The following PTPN4 variants were observed in gnomAD, a reference collection of about 807,000 sequenced individuals.
PTPN4 encodes the protein tyrosine-protein phosphatase non-receptor type 4.
In PTPN4, 49 loss-of-function variants were observed where a neutral mutation model predicts 135.5. The ratio of observed to expected loss-of-function variants is 0.36; its 90% CI spans 0.29 to 0.46. PTPN4 has a LOEUF of 0.46. Among genes scored for constraint, PTPN4 ranks in the 20% least tolerant of loss-of-function variants. PTPN4 has a pLI of 1.00. For synonymous variants in PTPN4, 333 were observed against 369.9 expected (o/e 0.90, Z 1.14); for missense variants, 860 against 1,101.0 (o/e 0.78, Z 3.10).
intron 14 of PTPN4, among the ~76,000 whole-genome samples, chr2:119,933,542 T>C (rs571779584): frequency 6.6e-6 from 1 of 151,426 alleles, no homozygotes; most frequent in South Asian, 2.1e-4. Context: ...TAGCTGAGCA[T>C]GGTGGCGTGC....
chr2:119,966,003 G>A (rs1416380453), intron 25 of PTPN4, among the ~76,000 whole-genome samples: 1 of 152,154 alleles, frequency 6.6e-6, no homozygotes, highest in African/African-American at 2.4e-5. Context: ...AATTTAAAAG[G>A]AACAGAAATG....
rs1376505614 is a variant in PTPN4, at chr2:119,843,746, G to A, written c.139-18790G>A. ...CGGACGGGGTGGCTGGCCGGGCGGG[G>A]GGGCTGACTCCCCCCACCTCCTTCC... On this transcript the variant is annotated intron_variant, in intron 2 of 26. Transcript: ENST00000263708. Among the ~76,000 whole-genome samples the A allele has an allele frequency of 1.5e-3, 78 of 52,548 alleles. 1 individual carries two copies. The highest frequency in any genetic ancestry group is 2.2e-3 in the Non-Finnish European group (58 of 26,274). 34.5% of individuals were successfully genotyped at this position (52,548 alleles called of 152,430 possible).
chr2:119,911,326 G>A (rs1678568115), intron 10 of PTPN4, among the ~76,000 whole-genome samples: 1 of 152,004 alleles, frequency 6.6e-6, no homozygotes, highest in African/African-American at 2.4e-5. Context: ...GTTATTTTAA[G>A]AATATAAGGT....
chr2:119,881,678 A>T (rs1380135168), intron 5 of PTPN4, 108 bp from the exon 6 acceptor site: 6 of 732,088 alleles, frequency 8.2e-6, no homozygotes, highest in Non-Finnish European at 1.3e-5. Flanking sequence ...AAATTATAAA[A>T]GCAAATATTT....
chr2:119,875,060 C>G (rs1677965469), intron 3 of PTPN4, among the ~76,000 whole-genome samples: 1 of 152,064 alleles, frequency 6.6e-6, no homozygotes, highest in Non-Finnish European at 1.5e-5. Flanking sequence ...TTTGTAGTTC[C>G]TTGATTGTGA....
At chr2:119,801,284 C>T (rs1001213822) in intron 1 of PTPN4, among the ~76,000 whole-genome samples, 6 of 152,198 alleles carry the variant, frequency 3.9e-5, no homozygotes, top group Middle Eastern at 6.8e-3. Context: ...GATGGGGTTT[C>T]GCCAAGTTGG....
intron 9 of PTPN4, among the ~76,000 whole-genome samples, chr2:119,897,823 G>T (rs1678346561): frequency 6.6e-6 from 1 of 152,040 alleles, no homozygotes; most frequent in African/African-American, 2.4e-5. Context: ...AATATGACTG[G>T]CTAAGTGTAA....
chr2:119,807,078 G>T (rs1040789417), intron 1 of PTPN4, among the ~76,000 whole-genome samples: 16 of 152,172 alleles, frequency 1.1e-4, no homozygotes, highest in African/African-American at 3.6e-4. Flanking sequence ...ACTTAAAGCA[G>T]TGCGTAGAGG....
chr2:119,835,914 A>G (rs377665833), intron 2 of PTPN4, among the ~76,000 whole-genome samples: 1 of 151,868 alleles, frequency 6.6e-6, no homozygotes, highest in South Asian at 2.1e-4. Context: ...CTAAAAATAC[A>G]AAAAATTAGC....
At chr2:119,873,179 T>TTTG (rs995910447) in intron 3 of PTPN4, among the ~76,000 whole-genome samples, 11 of 151,396 alleles carry the variant, frequency 7.3e-5, no homozygotes, top group East Asian at 1.9e-4. Flanking sequence ...GTTTTTTTTT[T>TTTG]TTGTTGTTGT....
intron 23 of PTPN4, 33 bp downstream of exon 23, chr2:119,960,986 G>A (rs748160536): frequency 2.0e-5 from 32 of 1,595,324 alleles, no homozygotes; most frequent in Middle Eastern, 1.7e-4. Context: ...ACATTGCTTG[G>A]ACTTTTTTCA....
intron 1 of PTPN4, among the ~76,000 whole-genome samples, chr2:119,778,899 A>G (rs1441257126): frequency 6.9e-6 from 1 of 145,602 alleles, no homozygotes. Context: ...TTGATTTTGC[A>G]CATGATTACC....
chr2:119,842,122 A>C (rs1193146789), intron 2 of PTPN4, among the ~76,000 whole-genome samples: 3 of 152,214 alleles, frequency 2.0e-5, no homozygotes, highest in African/African-American at 7.2e-5. Context: ...AGTAGAGTGA[A>C]ACTCAGAAAG....
At chr2:119,906,537 T>C (rs1439788949) in intron 10 of PTPN4, among the ~76,000 whole-genome samples, 1 of 152,220 alleles carries the variant, frequency 6.6e-6, no homozygotes, top group East Asian at 1.9e-4. Context: ...AAATACTTTA[T>C]TACATCAACA....
chr2:119,844,454 G>A (rs1677450986), intron 2 of PTPN4, among the ~76,000 whole-genome samples: 1 of 148,186 alleles, frequency 6.7e-6, no homozygotes, highest in African/African-American at 2.5e-5. Flanking sequence ...TCACTTCTCA[G>A]ACGGGGCAGC....
chr2:119,920,157 C>T lies in PTPN4; in HGVS notation c.917C>T (p.Thr306Ile), dbSNP rs41279780. Reference sequence around the variant, plus strand: ...TGGAAAGCATGTGTAGAACATCACACATTCTTCCGTTTGGACAGACCACTT... The same window carrying T: ...TGGAAAGCATGTGTAGAACATCACATATTCTTCCGTTTGGACAGACCACTT... The part of the protein sequence containing the change: ...NLWKACVEHH[T>I]FFRLDRPLPP... The change falls in exon 12 of 27, where the codon ACA becomes ATA. Residue 306 changes from threonine to isoleucine, a missense_variant. This residue lies in a region of PTPN4 where 684 missense variants were observed against 807.0 expected (regional missense o/e 0.85). Transcript: ENST00000263708. 1.2e-6 allele frequency: 2 copies of T among 1,613,546 alleles called. No homozygotes were observed. The highest frequency in any genetic ancestry group is 1.7e-6 in the Non-Finnish European group (2 of 1,179,778).
chr2:119,968,527 C>T (rs942358686), intron 26 of PTPN4, among the ~76,000 whole-genome samples: 5 of 151,818 alleles, frequency 3.3e-5, no homozygotes, highest in African/African-American at 1.2e-4. Flanking sequence ...GTAGGTAGCT[C>T]ACGCCTGTAA....
chr2:119,849,573 G>A (rs763110597), intron 2 of PTPN4, among the ~76,000 whole-genome samples: 8 of 152,200 alleles, frequency 5.3e-5, no homozygotes, highest in Non-Finnish European at 1.0e-4. Flanking sequence ...AAAGTGTTGG[G>A]ATTAGAGGTG....
chr2:119,946,312 T>C (rs763266506), intron 16 of PTPN4, 29 bp from the exon 17 acceptor site: 15 of 1,504,082 alleles, frequency 1.0e-5, no homozygotes, highest in Non-Finnish European at 1.4e-5. Flanking sequence ...TGAAGAAAAT[T>C]ACAAGTTATT....
Sources: gnomAD v4.1 joint callset for allele counts (sites outside exome capture counted in the v4.1 genomes callset) on GRCh38, gnomAD v4.1.1 for gene constraint, gnomAD v4.1.1 regional missense constraint, MANE v1.5 for transcripts, NCBI Gene and HGNC (gene_info 2026-07-23, HGNC 2026-07-21) for gene names.